The following TRIM37 variants were observed in gnomAD, a reference collection of about 807,000 sequenced individuals.
TRIM37 encodes the protein tripartite motif containing 37, also known as E3 ubiquitin-protein ligase TRIM37.
Under a neutral mutation model 129.8 loss-of-function variants are expected in TRIM37, and 80 were observed. The observed-to-expected ratio is 0.62, with a 90% confidence interval of 0.51 to 0.74. The LOEUF (loss-of-function observed/expected upper bound fraction) is 0.74, where lower values mean the gene tolerates loss of function less well. TRIM37 is among the 30% of genes least tolerant of loss of function. The pLI is 0.00. For missense variants in TRIM37, 1,054 were observed against 1,176.5 expected (o/e 0.90, Z 1.52); for synonymous variants, 389 against 387.1 (o/e 1.00, Z -0.06).
chr17:59,051,350 TA>T (rs575454759), intron 13 of TRIM37, 22 bp from the exon 14 acceptor site: 3,253 of 1,356,114 alleles, frequency 2.4e-3, no homozygotes, highest in Non-Finnish European at 2.8e-3. Flanking sequence ...TGTGCCACAT[TA>T]AAAAAAAAAT....
chr17:59,019,485 G>A (rs532753586), intron 19 of TRIM37, among the ~76,000 whole-genome samples: 3 of 152,256 alleles, frequency 2.0e-5, no homozygotes, highest in East Asian at 3.9e-4. Flanking sequence ...TGAGGTGGGT[G>A]GCGCATGAGG....
At chr17:59,075,580 A>G in intron 8 of TRIM37, 67 bp downstream of exon 8, 2 of 1,065,646 alleles carry the variant, frequency 1.9e-6, no homozygotes, top group South Asian at 2.9e-5. Flanking sequence ...AAAAAAAAAA[A>G]AAAACAACTA....
chr17:59,042,443 A>T (rs1166028199), intron 16 of TRIM37, among the ~76,000 whole-genome samples: 1,371 of 49,644 alleles, frequency 0.028, 19 homozygotes, highest in African/African-American at 0.084. Context: ...AAAAAAAAAA[A>T]AAAAAAATAT....
At position 58,998,755 on chromosome 17, in the gene TRIM37, AGTCACACAACAGAAAGATACCATGCG is replaced by A; in HGVS notation, c.*596_*621del. On this transcript the variant is annotated 3_prime_UTR_variant, in exon 24 of 24. Transcript: ENST00000262294. Reference sequence around the variant, plus strand: ...TTTCATTTAAAATTACATTTGTAGAAGTCACACAACAGAAAGATACCATGCGGTTGAACAGTGTGCCTGTACTTGAA... The same window carrying A: ...TTTCATTTAAAATTACATTTGTAGAAGTTGAACAGTGTGCCTGTACTTGAA... 1 of 985,844 alleles carries A rather than the reference AGTCACACAACAGAAAGATACCATGCG, an allele frequency of 1.0e-6. No individual in the cohort carries two copies. The highest frequency in any genetic ancestry group is 1.7e-5 in the African/African-American group (1 of 57,374). 61.1% of individuals were successfully genotyped at this position (985,844 alleles called of 1,614,324 possible).
At chr17:59,036,548 T>G (rs1052368637) in intron 17 of TRIM37, among the ~76,000 whole-genome samples, 1 of 151,244 alleles carries the variant, frequency 6.6e-6, no homozygotes, top group East Asian at 2.0e-4. Flanking sequence ...GGTGGCAGAA[T>G]CATGGCTCAC....
Position 59,056,958 on chromosome 17 carries a change from G to A in TRIM37, c.1116C>T (p.Cys372=), listed in dbSNP as rs201092472. Residue 372 remains cysteine, a synonymous_variant, in exon 13 of 24, where the codon TGC becomes TGT. Transcript: ENST00000262294. ...AACGGAAAAATCTATTATAGCCCCA[G>A]CATTCTCCAACTTCAAAGTCAGATG... The part of the protein sequence containing the change: ...EFASDFEVGE[C]WGYNRFFRLD... 187 of 1,613,686 alleles carry A rather than the reference G, an allele frequency of 1.2e-4. 2 individuals carry two copies. The South Asian group carries it at 1.9e-3, about 16-fold the overall frequency.
At position 59,104,393 on chromosome 17, in the gene TRIM37, C is replaced by A; in HGVS notation, c.23G>T (p.Ser8Ile). MDEQSVE[S>I]IAEVFRCFIC... ...GAAACATCGGAAAACCTCAGCAATG[C>A]TCTGAAAACAGTAAAAGATGTAAGG... The change falls in exon 2 of 24, where the codon AGC (serine) becomes ATC (isoleucine). Residue 8 changes from serine to isoleucine, a missense_variant and splice_region_variant. By Grantham distance (142) the Ser-to-Ile change is moderately radical. Transcript: ENST00000262294. 1.2e-6 allele frequency: 2 copies of A among 1,614,028 alleles called. No homozygotes were observed. Among genetic ancestry groups the A allele is most frequent in the Non-Finnish European group, 1.7e-6 (2 of 1,179,886 alleles).
chr17:59,098,814 T>C (rs1222192317), intron 2 of TRIM37, among the ~76,000 whole-genome samples: 1 of 151,956 alleles, frequency 6.6e-6, no homozygotes, highest in African/African-American at 2.4e-5. Flanking sequence ...AAACAGATAA[T>C]TGTTAACAAC....
intron 21 of TRIM37, among the ~76,000 whole-genome samples, chr17:59,012,657 C>T (rs1295914338): frequency 3.3e-5 from 5 of 152,050 alleles, no homozygotes; most frequent in African/African-American, 1.2e-4. Context: ...GTGGGTGGAT[C>T]ACCTGAGGTA....
At chr17:59,030,584 TTTTTACACAGAAAACTAG>T (rs1382685175) in intron 18 of TRIM37, among the ~76,000 whole-genome samples, 1 of 152,228 alleles carries the variant, frequency 6.6e-6, no homozygotes, top group Non-Finnish European at 1.5e-5. Context: ...ATTTGTATTG[TTTTTACACAGAAAACTAG>T]TTTTACACAG....
At chr17:59,071,987 T>C (rs2042409732) in intron 8 of TRIM37, among the ~76,000 whole-genome samples, 1 of 152,234 alleles carries the variant, frequency 6.6e-6, no homozygotes, top group Non-Finnish European at 1.5e-5. Context: ...CTTTCCTCCA[T>C]AATTTATATA....
chr17:59,040,495 G>A (rs576710958), intron 17 of TRIM37, among the ~76,000 whole-genome samples: 94 of 152,218 alleles, frequency 6.2e-4, no homozygotes, highest in African/African-American at 2.2e-3. Flanking sequence ...CTGACAGGCA[G>A]GCTGGCAGAT....
chr17:59,081,438 A>G (rs2043242969), intron 5 of TRIM37, among the ~76,000 whole-genome samples: 1 of 152,216 alleles, frequency 6.6e-6, no homozygotes, highest in South Asian at 2.1e-4. Flanking sequence ...CTTTAGCAAA[A>G]TATTCATTTA....
rs2046036094 is a variant in TRIM37 at position 59,106,710 on chromosome 17, T to C, written c.-249A>G. ...TAGGGCGAACGGTGGCCGCAGCTCCTTTCTCCCGGCTCAGCCGCCGGCCAG... is the reference window on the plus strand; with the variant it reads ...TAGGGCGAACGGTGGCCGCAGCTCCCTTCTCCCGGCTCAGCCGCCGGCCAG... On this transcript the variant is annotated 5_prime_UTR_variant, in exon 1 of 24. Transcript: ENST00000262294. The C allele has an allele frequency of 5.1e-6, 3 of 583,122 alleles. No individual in the cohort carries two copies. Among genetic ancestry groups the C allele is most frequent in the Non-Finnish European group, 9.1e-6 (3 of 328,420 alleles). The allele number at this position is 583,122 out of a possible 1,614,324, so 36.1% of individuals were successfully genotyped here. A position where few individuals can be genotyped will look rare whatever the true frequency, so the allele number is the denominator to read the frequency against.
chr17:59,086,475 G>A (rs1241957088), intron 4 of TRIM37, among the ~76,000 whole-genome samples: 1 of 152,200 alleles, frequency 6.6e-6, no homozygotes, highest in East Asian at 1.9e-4. Context: ...CTGACCTTAG[G>A]TGATCCACCC....
At chr17:58,980,533 G>C, downstream of TRIM37, 1 of 1,614,186 alleles carries the variant, frequency 6.2e-7, no homozygotes, top group Non-Finnish European at 8.5e-7. The surrounding 1 kb of genome is among the most constrained non-coding windows in gnomAD (Gnocchi z 4.7). Flanking sequence ...TACCAGTTGA[G>C]ATGTTTGGTC....
At chr17:58,977,813 G>A (rs1598712933), downstream of TRIM37, among the ~76,000 whole-genome samples, 2 of 152,254 alleles carry the variant, frequency 1.3e-5, no homozygotes, top group East Asian at 3.9e-4. Context: ...CGCAATCTGG[G>A]CTCACTGCAA....
chr17:59,016,759 G>T (rs1300956043), intron 20 of TRIM37, among the ~76,000 whole-genome samples: 6 of 151,862 alleles, frequency 4.0e-5, no homozygotes, highest in Non-Finnish European at 7.4e-5. Context: ...TCCCTAGCCT[G>T]GAAAACAGAG....
intron 7 of TRIM37, among the ~76,000 whole-genome samples, chr17:59,078,670 T>C (rs976661101): frequency 6.6e-6 from 1 of 152,202 alleles, no homozygotes; most frequent in Non-Finnish European, 1.5e-5. Context: ...CACCTATATG[T>C]ATGACTGCAA....
Sources: allele counts gnomAD v4.1 joint callset (sites outside exome capture counted in the v4.1 genomes callset), GRCh38; gene constraint gnomAD v4.1.1; non-coding constraint Gnocchi (gnomAD v3.1); transcripts MANE v1.5; gene names NCBI Gene and HGNC (gene_info 2026-07-23, HGNC 2026-07-21).